Variants in RALGPS1 observed in about 807,000 individuals in gnomAD.
RALGPS1 encodes Ral GEF with PH domain and SH3 binding motif 1, also known as ras-specific guanine nucleotide-releasing factor RalGPS1.
RALGPS1 carries 19 observed loss-of-function variants against 78.8 expected under a neutral mutation model. That is an observed-to-expected ratio of 0.24 (90% CI 0.17 to 0.35). The LOEUF is 0.35. RALGPS1 is among the 10% of genes least tolerant of loss of function. The pLI is 1.00. For missense variants in RALGPS1, 454 were observed against 688.3 expected (o/e 0.66, Z 3.81); for synonymous variants, 228 against 256.3 (o/e 0.89, Z 1.06).
rs2053905834 is a variant in RALGPS1, at chr9:127,103,225, T to C, written c.610+33869T>C. 2.6e-5 allele frequency among the ~76,000 whole-genome samples: 4 copies of C among 152,244 alleles called. No homozygotes were observed. In the South Asian group the frequency reaches 8.3e-4, roughly 31 times the overall value. ...AATCGTGTACGTATTTCCTACCTTA[T>C]AGGGTGGAATAAAATACAGGTGGAA... On this transcript the variant is annotated intron_variant, in intron 8 of 18. Coordinates refer to ENST00000259351, the MANE Select transcript of RALGPS1 (RefSeq NM_014636.3).
intron 8 of RALGPS1, among the ~76,000 whole-genome samples, chr9:127,079,049 A>G (rs530512036): frequency 1.1e-3 from 162 of 152,328 alleles, no homozygotes; most frequent in African/African-American, 3.6e-3. Context: ...GTCTGACTCC[A>G]GTGCCCCAAC....
intron 4 of RALGPS1, among the ~76,000 whole-genome samples, chr9:126,995,126 T>C: frequency 6.6e-6 from 1 of 152,158 alleles, no homozygotes; most frequent in East Asian, 1.9e-4. Context: ...CATCAACTAA[T>C]GAGCAAAATA....
chr9:126,935,608 G>A (rs745948293), intron 1 of RALGPS1, among the ~76,000 whole-genome samples: 4 of 151,398 alleles, frequency 2.6e-5, no homozygotes, highest in Non-Finnish European at 5.9e-5. Flanking sequence ...GATATTGCAT[G>A]ATTAACAACA....
chr9:127,135,976 T>A (rs970431358), intron 8 of RALGPS1, among the ~76,000 whole-genome samples: 4 of 152,208 alleles, frequency 2.6e-5, no homozygotes, highest in Non-Finnish European at 4.4e-5. Flanking sequence ...ATTTAGGGAC[T>A]TGCTGCCCAA....
At chr9:127,097,841 A>G (rs374806516) in intron 8 of RALGPS1, among the ~76,000 whole-genome samples, 1 of 152,212 alleles carries the variant, frequency 6.6e-6, no homozygotes, top group East Asian at 1.9e-4. Flanking sequence ...CCTTGGCTCC[A>G]ATCTCGATGG....
chr9:126,918,889 T>C (rs536429390), intron 1 of RALGPS1, among the ~76,000 whole-genome samples: 84 of 152,016 alleles, frequency 5.5e-4, no homozygotes, highest in African/African-American at 2.0e-3. Flanking sequence ...AGGCTGGTCT[T>C]GAACTGCAGA....
chr9:127,021,071 A>G (rs1468451152), intron 4 of RALGPS1, among the ~76,000 whole-genome samples: 1 of 152,018 alleles, frequency 6.6e-6, no homozygotes, highest in Non-Finnish European at 1.5e-5. Context: ...GTTTTCTCTG[A>G]GTGTTAAGGC....
chr9:127,093,736 G>T, intron 8 of RALGPS1: 6 of 1,614,054 alleles, frequency 3.7e-6, no homozygotes, highest in Non-Finnish European at 5.1e-6. Context: ...GTCTCACCTT[G>T]TACGTCTCCC....
At chr9:127,166,519 A>T (rs1437278158) in intron 9 of RALGPS1, among the ~76,000 whole-genome samples, 3 of 152,134 alleles carry the variant, frequency 2.0e-5, no homozygotes, top group Non-Finnish European at 4.4e-5. Context: ...ATTCATGAAG[A>T]GCTTTCTGGG....
intron 8 of RALGPS1, among the ~76,000 whole-genome samples, chr9:127,097,089 T>G (rs2053215831): frequency 6.6e-6 from 1 of 152,198 alleles, no homozygotes; most frequent in Non-Finnish European, 1.5e-5. Flanking sequence ...TTAGAACTAA[T>G]GTTAATCTTT....
chr9:126,952,675 GTGTGTC>G (rs770217719), intron 1 of RALGPS1, among the ~76,000 whole-genome samples: 1,091 of 106,544 alleles, frequency 0.01, 4 homozygotes, highest in South Asian at 0.021. Flanking sequence ...GTGTGTGTGT[GTGTGTC>G]TGTGTGTCTG....
chr9:126,957,177 G>A (rs2038424731), intron 1 of RALGPS1, among the ~76,000 whole-genome samples: 2 of 152,248 alleles, frequency 1.3e-5, no homozygotes, highest in Admixed American at 1.3e-4. Context: ...GTGGAGCGGA[G>A]CCACCCAGTG....
intron 10 of RALGPS1, among the ~76,000 whole-genome samples, chr9:127,170,118 A>G (rs1179095551): frequency 6.6e-6 from 1 of 152,170 alleles, no homozygotes; most frequent in Non-Finnish European, 1.5e-5. Flanking sequence ...GCCAGACTGC[A>G]TGGTCTTCAT....
At chr9:127,186,277 C>T (rs1224374024) in intron 11 of RALGPS1, among the ~76,000 whole-genome samples, 4 of 152,204 alleles carry the variant, frequency 2.6e-5, no homozygotes, top group Non-Finnish European at 5.9e-5. Flanking sequence ...AAAGATTATT[C>T]ATGGAAAAAT....
intron 11 of RALGPS1, among the ~76,000 whole-genome samples, chr9:127,192,556 G>C (rs1259438953): frequency 2.0e-5 from 3 of 152,124 alleles, no homozygotes; most frequent in Admixed American, 6.5e-5. Context: ...AGGCTGAGCT[G>C]ACAGGGTTGC....
chr9:127,165,468 C>T (rs2139595734), intron 8 of RALGPS1, among the ~76,000 whole-genome samples: 1 of 152,364 alleles, frequency 6.6e-6, no homozygotes, highest in African/African-American at 2.4e-5. Context: ...CTACATGTTA[C>T]TATTTCTGTA....
intron 4 of RALGPS1, among the ~76,000 whole-genome samples, chr9:127,028,758 C>G (rs1249792054): frequency 1.3e-5 from 2 of 152,228 alleles, no homozygotes; most frequent in Non-Finnish European, 2.9e-5. Flanking sequence ...CATTCAATTC[C>G]TATAACTACC....
intron 5 of RALGPS1, among the ~76,000 whole-genome samples, chr9:127,041,555 T>C (rs574996092): frequency 6.6e-6 from 1 of 152,350 alleles, no homozygotes; most frequent in South Asian, 2.1e-4. Context: ...TGTGTAGTAA[T>C]CTTGCTTTTC....
intron 8 of RALGPS1, among the ~76,000 whole-genome samples, chr9:127,081,713 C>G (rs1029744169): frequency 2.4e-4 from 36 of 152,236 alleles, no homozygotes; most frequent in Admixed American, 5.9e-4. Context: ...GGAGCCCTCT[C>G]CTGGTACTGT....
Sources: gnomAD v4.1 joint callset for allele counts (sites outside exome capture counted in the v4.1 genomes callset) on GRCh38, gnomAD v4.1.1 for gene constraint, MANE v1.5 for transcripts, NCBI Gene and HGNC (gene_info 2026-07-23, HGNC 2026-07-21) for gene names.